The following TMC5 variants were observed in gnomAD, a reference collection of about 807,000 sequenced individuals.
The protein encoded by TMC5 is transmembrane channel-like protein 5.
A neutral mutation model predicts 110.5 loss-of-function variants in TMC5; 86 were observed. The observed-to-expected ratio is 0.78, with a 90% confidence interval of 0.65 to 0.93. TMC5 has a LOEUF of 0.93. TMC5 is among the 40% of genes least tolerant of loss of function. The pLI, the probability that TMC5 is intolerant of heterozygous loss-of-function variation, is 0.00. For synonymous variants in TMC5, 455 were observed against 439.5 expected (o/e 1.04, Z -0.44); for missense variants, 1,144 against 1,222.8 (o/e 0.94, Z 0.96).
chr16:19,498,172 G>A lies in TMC5; in HGVS notation c.*206G>A. ...AATACCTGGATTGCTGATTTTTCAA[G>A]ACAAAATACTTGGGGTTTTCCAATA... is the stretch of plus-strand genomic sequence containing the variant. On this transcript the variant is annotated 3_prime_UTR_variant, in exon 22 of 22. Transcript: ENST00000542583. 1 of 567,058 alleles carries A rather than the reference G, an allele frequency of 1.8e-6. No individual in the cohort carries two copies. The highest frequency in any genetic ancestry group is 3.3e-5 in the Admixed American group (1 of 29,994). The allele number at this position is 567,058 out of a possible 1,614,324, so 35.1% of individuals were successfully genotyped here. A position where few individuals can be genotyped will look rare whatever the true frequency, so the allele number is the denominator to read the frequency against.
chr16:19,450,048 A>T (rs1967714573), intron 5 of TMC5, among the ~76,000 whole-genome samples: 1 of 152,250 alleles, frequency 6.6e-6, no homozygotes, highest in African/African-American at 2.4e-5. Context: ...ACCCTGGAGA[A>T]GGAACATGTC....
upstream of TMC5, among the ~76,000 whole-genome samples, chr16:19,413,093 C>G (rs79136791): frequency 6.6e-6 from 1 of 152,172 alleles, no homozygotes. Context: ...ATCATCCTGC[C>G]TCAGCCTCCC....
intron 18 of TMC5, among the ~76,000 whole-genome samples, chr16:19,491,693 G>A (rs916579708): frequency 2.6e-5 from 4 of 151,720 alleles, no homozygotes; most frequent in African/African-American, 4.8e-5. Context: ...CCACCACCAC[G>A]CCCAGCTAAT....
At chr16:19,426,871 A>G (rs553759885) in intron 1 of TMC5, among the ~76,000 whole-genome samples, 3 of 152,194 alleles carry the variant, frequency 2.0e-5, no homozygotes, top group African/African-American at 7.2e-5. Flanking sequence ...TTTGGCGCAT[A>G]AAGGAATCAC....
chr16:19,474,153 C>T lies in TMC5; in HGVS notation c.1967C>T (p.Ala656Val), dbSNP rs778995543. 1.5e-5 allele frequency: 24 copies of T among 1,613,940 alleles called. No homozygotes were observed. Among genetic ancestry groups the T allele is most frequent in the South Asian group, 6.6e-5 (6 of 91,060 alleles). Residue 656 changes from alanine to valine, a missense_variant, in exon 12 of 22, where the codon GCG becomes GTG. Physicochemically the swap from Ala to Val is moderately conservative, Grantham distance 64. Transcript: ENST00000542583. ...CTGAAGACACACAGTAACCCTGGGG[C>T]GGTGCTGTTACTGCCTTTCGTTGTG... ...EFLKTHSNPG[A>V]VLLLPFVVSC...
rs182870497 is a variant in TMC5 at position 19,464,482 on chromosome 16, A to G, written c.1485+458A>G. 1.3e-3 allele frequency among the ~76,000 whole-genome samples: 196 copies of G among 152,336 alleles called. 3 individuals carry two copies. Among genetic ancestry groups the G allele is most frequent in the East Asian group, 8.3e-3 (43 of 5,184 alleles). On this transcript the variant is annotated intron_variant, in intron 8 of 21. Transcript: ENST00000542583. Reference sequence around the variant, plus strand: ...CTGCAAAGTAACATACACACATCGTAGTAGAATTTCTGTCTCCAGAGGCAA... The same window carrying G: ...CTGCAAAGTAACATACACACATCGTGGTAGAATTTCTGTCTCCAGAGGCAA...
intron 14 of TMC5, among the ~76,000 whole-genome samples, chr16:19,479,947 A>C (rs1968577076): frequency 6.7e-6 from 1 of 149,178 alleles, no homozygotes; most frequent in Admixed American, 6.7e-5. Flanking sequence ...AAAAAAAAAA[A>C]GAAGAAGAAG....
chr16:19,420,989 G>C (rs1257257195), intron 1 of TMC5, among the ~76,000 whole-genome samples: 1 of 145,236 alleles, frequency 6.9e-6, no homozygotes, highest in Non-Finnish European at 1.5e-5. Context: ...GAGGTGAGTG[G>C]AGATCTCCAA....
chr16:19,423,053 G>A (rs1490718260), intron 1 of TMC5, among the ~76,000 whole-genome samples: 1 of 152,222 alleles, frequency 6.6e-6, no homozygotes, highest in Non-Finnish European at 1.5e-5. Context: ...GAGCCCAGCA[G>A]TTAGAGGCTC....
rs541694555 is a variant in TMC5 at position 19,480,848 on chromosome 16, G to C, written c.2268-522G>C. On this transcript the variant is annotated intron_variant, in intron 14 of 21. Coordinates refer to ENST00000542583, the MANE Select transcript of TMC5 (RefSeq NM_001261841.2). ...AAAGTGAAAAGATTTTTTTTTGACAGATCTTTTTTTTTAAATTGGCAACTC... is the reference window on the plus strand; with the variant it reads ...AAAGTGAAAAGATTTTTTTTTGACACATCTTTTTTTTTAAATTGGCAACTC... Among the ~76,000 whole-genome samples the C allele has an allele frequency of 4.8e-5, 7 of 144,534 alleles. No homozygotes were observed. In the South Asian group the frequency reaches 1.6e-3, roughly 32 times the overall value. The allele number at this position is 144,534 out of a possible 152,430, so 94.8% of individuals were successfully genotyped here.
Position 19,444,024 on chromosome 16 carries a change from G to GATGGATGGATGA in TMC5, c.789-54_789-53insGATGGATGAATG, listed in dbSNP as rs1467483891. The GATGGATGGATGA allele has an allele frequency of 1.5e-4, 175 of 1,164,594 alleles. 1 individual carries two copies. The African/African-American group carries it at 2.3e-3, about 15-fold the overall frequency. 72.1% of individuals were successfully genotyped at this position (1,164,594 alleles called of 1,614,324 possible). A position where few individuals can be genotyped will look rare whatever the true frequency, so the allele number is the denominator to read the frequency against. ...GGATGGATGGATGGATGGATGGATG[G>GATGGATGGATGA]ATGACAATCCTTACTATACTCTTGG... On this transcript the variant is annotated intron_variant, in intron 3 of 21. Coordinates refer to ENST00000542583, the MANE Select transcript of TMC5 (RefSeq NM_001261841.2).
rs1299252960 is a variant in TMC5, at chr16:19,492,189, G to A, written c.2787G>A (p.Arg929=). 1 of 1,613,758 alleles carries A rather than the reference G, an allele frequency of 6.2e-7. No individual in the cohort carries two copies. The highest frequency in any genetic ancestry group is 8.5e-7 in the Non-Finnish European group (1 of 1,179,778). The part of the protein sequence containing the change: ...TYLYWQITEG[R]KIMIRLLHEQ... ...TTTACTGGCAGATCACAGAGGGAAG[G>A]AAGATTATGATAAGGCTGCTCCATG... is the stretch of plus-strand genomic sequence containing the variant. Residue 929 remains arginine (R), a synonymous_variant, in exon 19 of 22, where the codon AGG becomes AGA. Transcript: ENST00000542583.
In TMC5 at chr16:19,490,711, T is replaced by TTTCCTTCCTTCCTTCCTTCCTTCC. The variant is rs150837460; in HGVS notation, c.2747+172_2747+195dup. The TTTCCTTCCTTCCTTCCTTCCTTCC allele has an allele frequency of 4.2e-4, 163 of 389,658 alleles. 6 individuals carry two copies. The highest frequency in any genetic ancestry group is 1.7e-3 in the South Asian group (42 of 25,432). 24.1% of individuals were successfully genotyped at this position (389,658 alleles called of 1,614,324 possible). On this transcript the variant is annotated intron_variant, in intron 18 of 21. Transcript: ENST00000542583. Reference sequence around the variant, plus strand: ...CTCTACCCTTGCATAGGTAGTTTTCTTTCCTTCCTTCCTTCCTTCCTTCCT... The same window carrying TTTCCTTCCTTCCTTCCTTCCTTCC: ...CTCTACCCTTGCATAGGTAGTTTTCTTTCCTTCCTTCCTTCCTTCCTTCCTTCCTTCCTTCCTTCCTTCCTTCCT...
chr16:19,465,061 C>CGT (rs1968143483), intron 8 of TMC5, among the ~76,000 whole-genome samples: 2 of 102,722 alleles, frequency 1.9e-5, no homozygotes, highest in Non-Finnish European at 3.6e-5. Flanking sequence ...CTTTCTTTTC[C>CGT]TTCCTTCCTT....
chr16:19,419,411 T>G (rs866067273), intron 1 of TMC5, among the ~76,000 whole-genome samples: 5 of 127,930 alleles, frequency 3.9e-5, no homozygotes, highest in African/African-American at 1.2e-4. Context: ...GGTTTTTTTT[T>G]TTTTTTTTTT....
rs181412043 is a variant in TMC5 at position 19,492,814 on chromosome 16, G to A, written c.2826+586G>A. On this transcript the variant is annotated intron_variant, in intron 19 of 21. Coordinates refer to ENST00000542583, the MANE Select transcript of TMC5 (RefSeq NM_001261841.2). ...TTCCTGGGCTCCTGCCTCAGCCTCC[G>A]GAGTAGCTGAGATTACAGGCAGGTG... Among the ~76,000 whole-genome samples the A allele has an allele frequency of 4.7e-4, 70 of 150,490 alleles. No homozygotes were observed. In the South Asian group the frequency reaches 5.3e-3, roughly 11 times the overall value.
chr16:19,487,221 C>G lies in TMC5; in HGVS notation c.2468C>G (p.Pro823Arg), dbSNP rs141281985. ...AGCCTGATGATGAATTTCCAGCCTC[C>G]GAGCAAAGCCTGGCGGGCCTCACAG... ...NISLMMNFQP[P>R]SKAWRASQMM... Residue 823 changes from proline to arginine, a missense_variant, in exon 17 of 22, where the codon CCG becomes CGG. Transcript: ENST00000542583. 6.2e-7 allele frequency: 1 copy of G among 1,613,412 alleles called. No homozygotes were observed. Among genetic ancestry groups the G allele is most frequent in the Non-Finnish European group, 8.5e-7 (1 of 1,179,770 alleles).
intron 1 of TMC5, among the ~76,000 whole-genome samples, chr16:19,424,388 T>C (rs1030522805): frequency 3.3e-5 from 5 of 152,194 alleles, no homozygotes; most frequent in Admixed American, 2.0e-4. Context: ...TGGTGGCTCA[T>C]GCCTGTAATC....
In TMC5 at chr16:19,472,079, T is replaced by A. The variant is rs375424501; in HGVS notation, c.1783-9T>A. Reference sequence around the variant, plus strand: ...CCCAGCCATAAACTTGACTTTCTTATGTTTCTAGGAGAACCTGTCAGAGCT... The same window carrying A: ...CCCAGCCATAAACTTGACTTTCTTAAGTTTCTAGGAGAACCTGTCAGAGCT... On this transcript the variant is annotated splice_polypyrimidine_tract_variant and intron_variant, in intron 10 of 21. Coordinates refer to ENST00000542583, the MANE Select transcript of TMC5 (RefSeq NM_001261841.2). 6.2e-7 allele frequency: 1 copy of A among 1,613,448 alleles called. No homozygotes were observed. The highest frequency in any genetic ancestry group is 1.3e-5 in the African/African-American group (1 of 74,928).
Sources: gnomAD v4.1 joint callset for allele counts (sites outside exome capture counted in the v4.1 genomes callset) on GRCh38, gnomAD v4.1.1 for gene constraint, MANE v1.5 for transcripts, NCBI Gene and HGNC (gene_info 2026-07-23, HGNC 2026-07-21) for gene names.